Variants in ZFHX3 observed in about 807,000 individuals in gnomAD.
ZFHX3 encodes the protein zinc finger homeobox 3.
A neutral mutation model predicts 279.1 loss-of-function variants in ZFHX3; 42 were observed. The ratio of observed to expected loss-of-function variants is 0.15; its 90% CI spans 0.12 to 0.19. The LOEUF (loss-of-function observed/expected upper bound fraction) is 0.19. Ranked by LOEUF, ZFHX3 falls within the 10% of genes least tolerant of loss-of-function variation. The pLI is 1.00. For missense variants in ZFHX3, 4,981 were observed against 4,754.0 expected (o/e 1.05, Z -1.40); for synonymous variants, 2,293 against 1,957.8 (o/e 1.17, Z -4.52).
intron 4 of ZFHX3, among the ~76,000 whole-genome samples, chr16:72,888,300 G>A (rs1010147094): frequency 2.0e-5 from 3 of 152,214 alleles, no homozygotes; most frequent in Non-Finnish European, 2.9e-5. Flanking sequence ...TGTAGGATCA[G>A]GAGTGGCCTT....
chr16:73,782,678 G>A (rs1449282369), intron 1 of ZFHX3, among the ~76,000 whole-genome samples: 4 of 152,164 alleles, frequency 2.6e-5, no homozygotes, highest in Non-Finnish European at 5.9e-5. Context: ...AAGCTTAACT[G>A]CTGAGTAGAA....
chr16:73,620,071 G>A (rs1654371550), intron 2 of ZFHX3, among the ~76,000 whole-genome samples: 1 of 152,158 alleles, frequency 6.6e-6, no homozygotes, highest in Non-Finnish European at 1.5e-5. Context: ...CTACAGGTGT[G>A]CACCACCATG....
intron 6 of ZFHX3, among the ~76,000 whole-genome samples, chr16:73,138,840 A>T (rs1428385477): frequency 6.6e-6 from 1 of 152,056 alleles, no homozygotes; most frequent in Non-Finnish European, 1.5e-5. Flanking sequence ...GGCACGCACC[A>T]CTATGCCTGG....
At chr16:73,639,981 G>C (rs968053138) in intron 2 of ZFHX3, among the ~76,000 whole-genome samples, 1 of 152,144 alleles carries the variant, frequency 6.6e-6, no homozygotes, top group Non-Finnish European at 1.5e-5. Flanking sequence ...CTAAAAATTG[G>C]AGGATTGGCC....
intron 4 of ZFHX3, among the ~76,000 whole-genome samples, chr16:72,838,835 G>A (rs966974483): frequency 4.6e-5 from 7 of 152,206 alleles, no homozygotes; most frequent in African/African-American, 1.7e-4. Flanking sequence ...AAGTAAATGT[G>A]CGGTGACAAA....
intron 3 of ZFHX3, among the ~76,000 whole-genome samples, chr16:73,393,766 T>G (rs1286907155): frequency 6.6e-6 from 1 of 152,018 alleles, no homozygotes; most frequent in Non-Finnish European, 1.5e-5. Flanking sequence ...GTAAAAGCAC[T>G]GTTTCAAAAG....
At chr16:73,728,552 C>G (rs1161346940) in intron 1 of ZFHX3, among the ~76,000 whole-genome samples, 1 of 152,142 alleles carries the variant, frequency 6.6e-6, no homozygotes, top group Admixed American at 6.5e-5. Context: ...GTGTAGCCCG[C>G]AACTCAGTCT....
intron 5 of ZFHX3, among the ~76,000 whole-genome samples, chr16:72,819,181 C>G (rs2036705474): frequency 6.6e-6 from 1 of 152,156 alleles, no homozygotes; most frequent in South Asian, 2.1e-4. Flanking sequence ...GGTCTTCCAT[C>G]ACTCTTCATC....
chr16:73,629,227 C>T (rs2052446091), intron 2 of ZFHX3, among the ~76,000 whole-genome samples: 1 of 152,196 alleles, frequency 6.6e-6, no homozygotes, highest in South Asian at 2.1e-4. Context: ...TCCTGCTGCA[C>T]ACTCGCTTCC....
intron 7 of ZFHX3, among the ~76,000 whole-genome samples, chr16:73,116,035 A>T (rs1029590653): frequency 1.1e-4 from 16 of 151,660 alleles, no homozygotes; most frequent in African/African-American, 3.4e-4. Flanking sequence ...CAGGGGAATC[A>T]CTTGAACCCA....
At chr16:72,866,875 A>T (rs1221913770) in intron 4 of ZFHX3, among the ~76,000 whole-genome samples, 1 of 152,186 alleles carries the variant, frequency 6.6e-6, no homozygotes, top group African/African-American at 2.4e-5. Flanking sequence ...CTGCAGTTCC[A>T]CCTTAACTGA....
intron 3 of ZFHX3, among the ~76,000 whole-genome samples, chr16:73,354,338 G>A (rs988332620): frequency 6.6e-6 from 1 of 152,188 alleles, no homozygotes; most frequent in African/African-American, 2.4e-5. Flanking sequence ...GGTCCCGAGT[G>A]TATTCATCTG....
chr16:73,102,572 C>T (rs1966245795), intron 7 of ZFHX3, among the ~76,000 whole-genome samples: 2 of 152,202 alleles, frequency 1.3e-5, no homozygotes, highest in African/African-American at 2.4e-5. Flanking sequence ...ACCTTCCAAA[C>T]ACTTTCACAG....
At chr16:73,542,161 C>G (rs2020028120) in intron 2 of ZFHX3, among the ~76,000 whole-genome samples, 1 of 152,040 alleles carries the variant, frequency 6.6e-6, no homozygotes, top group South Asian at 2.1e-4. Flanking sequence ...GATGTCAAAT[C>G]CCTTGCACGA....
chr16:73,717,004 C>A (rs962575738), intron 1 of ZFHX3, among the ~76,000 whole-genome samples: 1 of 152,030 alleles, frequency 6.6e-6, no homozygotes, highest in Non-Finnish European at 1.5e-5. Flanking sequence ...ATGTTCACAT[C>A]CTTCTTTGGA....
At chr16:73,839,841 T>A (rs1961253986) in intron 1 of ZFHX3, among the ~76,000 whole-genome samples, 1 of 152,138 alleles carries the variant, frequency 6.6e-6, no homozygotes, top group Non-Finnish European at 1.5e-5. Flanking sequence ...CCTAACCCTA[T>A]CCCTGGGGAC....
At chr16:73,823,752 T>C (rs917789187) in intron 1 of ZFHX3, among the ~76,000 whole-genome samples, 2 of 152,170 alleles carry the variant, frequency 1.3e-5, no homozygotes, top group Non-Finnish European at 2.9e-5. Context: ...TGCTGACTCC[T>C]AGTCTAAAAG....
chr16:73,490,265 C>T (rs567055031), intron 2 of ZFHX3, among the ~76,000 whole-genome samples: 8 of 152,316 alleles, frequency 5.3e-5, no homozygotes, highest in African/African-American at 1.7e-4. Context: ...ATCACACTAA[C>T]TCCAGTATTT....
In ZFHX3 at chr16:72,795,718, G is replaced by C; in HGVS notation, c.6964C>G (p.Arg2322Gly). Reference protein sequence around the residue: ...RRELTNDRYIRTSNLNYQCKK... With the variant: ...RRELTNDRYIGTSNLNYQCKK... ...CACTGGTAGTTCAAGTTGCTTGTTC[G>C]AATGTATCTATCATTTGTAAGCTCA... Residue 2322 changes from arginine to glycine, a missense_variant, in exon 9 of 10, where the codon CGA becomes GGA. Physicochemically the swap from Arg to Gly is moderately radical, Grantham distance 125. Around this residue, in one of 7 missense-constraint regions of ZFHX3, gnomAD observed 177 missense variants for 244.2 expected, o/e 0.72. Transcript: ENST00000268489. 5 of 1,614,078 alleles carry C rather than the reference G, an allele frequency of 3.1e-6. No homozygotes were observed. The highest frequency in any genetic ancestry group is 4.2e-6 in the Non-Finnish European group (5 of 1,180,028).
Sources: allele counts gnomAD v4.1 joint callset (sites outside exome capture counted in the v4.1 genomes callset), GRCh38; gene constraint gnomAD v4.1.1; regional missense constraint gnomAD v4.1.1; transcripts MANE v1.5; gene names NCBI Gene and HGNC (gene_info 2026-07-23, HGNC 2026-07-21).